Variants in GBE1 observed in about 807,000 individuals in gnomAD.
GBE1 encodes the protein 1,4-alpha-glucan branching enzyme 1, also known as 1,4-alpha-glucan-branching enzyme.
GBE1 carries 70 observed loss-of-function variants against 88.8 expected under a neutral mutation model. That is an observed-to-expected ratio of 0.79 (90% CI 0.65 to 0.96). The LOEUF (loss-of-function observed/expected upper bound fraction) is 0.96. GBE1 is among the 40% of genes least tolerant of loss of function. The pLI, the probability that GBE1 is intolerant of heterozygous loss-of-function variation, is 0.00. For missense variants in GBE1, 872 were observed against 871.0 expected, an observed-to-expected ratio of 1.00 and a Z score of -0.01; for synonymous variants, 284 against 300.1, an observed-to-expected ratio of 0.95 and a Z score of 0.56.
chr3:81,612,569 AC>A (rs1576169740), intron 7 of GBE1: 1 of 733,604 alleles, frequency 1.4e-6, no homozygotes. Context: ...AAATGTTGTT[AC>A]CCCCAAATTT....
intron 7 of GBE1, among the ~76,000 whole-genome samples, chr3:81,602,324 G>A (rs1704044154): frequency 6.6e-6 from 1 of 152,030 alleles, no homozygotes; most frequent in East Asian, 1.9e-4. Context: ...GATTCAACAT[G>A]GTCAACAAAA....
intron 12 of GBE1, among the ~76,000 whole-genome samples, chr3:81,575,966 T>C (rs533579941): frequency 7.2e-5 from 11 of 152,302 alleles, no homozygotes; most frequent in Admixed American, 3.3e-4. Flanking sequence ...CTATTTCTAG[T>C]TTTTTCATGT....
intron 12 of GBE1, among the ~76,000 whole-genome samples, chr3:81,572,102 C>T (rs908102405): frequency 6.6e-6 from 1 of 152,108 alleles, no homozygotes; most frequent in Non-Finnish European, 1.5e-5. Context: ...ACAAGATCTG[C>T]TGGTTTTACA....
intron 12 of GBE1, among the ~76,000 whole-genome samples, chr3:81,563,799 G>T (rs1703452824): frequency 6.7e-6 from 1 of 149,646 alleles, no homozygotes; most frequent in African/African-American, 2.5e-5. Flanking sequence ...AAACTCAATT[G>T]TCTATAACCT....
chr3:81,629,429 A>G (rs1704472908), intron 7 of GBE1, among the ~76,000 whole-genome samples: 1 of 152,016 alleles, frequency 6.6e-6, no homozygotes, highest in Admixed American at 6.6e-5. Context: ...AGTCTATTAC[A>G]TGTTTAATTT....
At chr3:81,509,270 C>CT (rs201981732) in intron 14 of GBE1, among the ~76,000 whole-genome samples, 32 of 138,652 alleles carry the variant, frequency 2.3e-4, no homozygotes, top group African/African-American at 8.2e-4. Flanking sequence ...GGACTAGAGT[C>CT]TTTTTTTAAA....
intron 2 of GBE1, among the ~76,000 whole-genome samples, chr3:81,694,277 G>A (rs574465043): frequency 6.6e-6 from 1 of 152,250 alleles, no homozygotes; most frequent in South Asian, 2.1e-4. Context: ...GAGAAGATAG[G>A]AGGGAGGAAC....
At chr3:81,523,949 A>G (rs1410401391) in intron 14 of GBE1, among the ~76,000 whole-genome samples, 1 of 151,764 alleles carries the variant, frequency 6.6e-6, no homozygotes, top group Non-Finnish European at 1.5e-5. Flanking sequence ...GAACAGTGCT[A>G]CAATAAAAGA....
intron 12 of GBE1, among the ~76,000 whole-genome samples, chr3:81,560,683 G>A (rs1268151766): frequency 6.6e-6 from 1 of 151,970 alleles, no homozygotes; most frequent in African/African-American, 2.4e-5. Context: ...GTGAAGCTCA[G>A]GCACCTATCA....
At chr3:81,530,312 C>G (rs1442257858) in intron 14 of GBE1, among the ~76,000 whole-genome samples, 1 of 151,474 alleles carries the variant, frequency 6.6e-6, no homozygotes, top group African/African-American at 2.4e-5. Context: ...ATCTCTGTCA[C>G]TCCAGGATTG....
rs56681369 is a variant in GBE1 at position 81,547,625 on chromosome 3, TTCTCTCTCTCTCTCTCTCTC to T, written c.1619-10550_1619-10531del. Among the ~76,000 whole-genome samples, 13 of 138,386 alleles carry T rather than the reference TTCTCTCTCTCTCTCTCTCTC, an allele frequency of 9.4e-5. 1 individual carries two copies. Among genetic ancestry groups the T allele is most frequent in the East Asian group, 2.1e-4 (1 of 4,746 alleles). 90.8% of individuals were successfully genotyped at this position (138,386 alleles called of 152,430 possible). A position where few individuals can be genotyped will look rare whatever the true frequency, so the allele number is the denominator to read the frequency against. On this transcript the variant is annotated intron_variant, in intron 12 of 15. Coordinates refer to ENST00000429644, the MANE Select transcript of GBE1 (RefSeq NM_000158.4). Reference sequence around the variant, plus strand: ...CTAGTCAGGCTTCTAGGTTCGTTTGTTCTCTCTCTCTCTCTCTCTCTCTCTCTCTCTCTCTCTCTCTCTTT... The same window carrying T: ...CTAGTCAGGCTTCTAGGTTCGTTTGTTCTCTCTCTCTCTCTCTCTCTCTTT...
chr3:81,579,640 T>C (rs1347700890), intron 11 of GBE1, among the ~76,000 whole-genome samples: 3 of 152,128 alleles, frequency 2.0e-5, no homozygotes, highest in Non-Finnish European at 4.4e-5. Flanking sequence ...TTGTTATGTA[T>C]TTGGTAAGAG....
intron 7 of GBE1, among the ~76,000 whole-genome samples, chr3:81,624,768 G>A (rs2107020145): frequency 6.6e-6 from 1 of 152,174 alleles, no homozygotes; most frequent in East Asian, 1.9e-4. Flanking sequence ...AATACAAGAA[G>A]CATATCTCTA....
At chr3:81,626,547 C>T (rs947815871) in intron 7 of GBE1, among the ~76,000 whole-genome samples, 1 of 152,030 alleles carries the variant, frequency 6.6e-6, no homozygotes, top group African/African-American at 2.4e-5. Flanking sequence ...GGCTTTTACA[C>T]TGAGGACCAG....
intron 12 of GBE1, among the ~76,000 whole-genome samples, chr3:81,563,287 T>C (rs1297808923): frequency 6.6e-6 from 1 of 152,102 alleles, no homozygotes; most frequent in African/African-American, 2.4e-5. Context: ...GCATTACTAA[T>C]ATAGCAAAAT....
At chr3:81,732,200 CA>C (rs1706197777) in intron 1 of GBE1, among the ~76,000 whole-genome samples, 1 of 152,004 alleles carries the variant, frequency 6.6e-6, no homozygotes, top group South Asian at 2.1e-4. Context: ...TAAGCCACGT[CA>C]AAAAATAAAA....
chr3:81,526,957 T>C (rs988947934), intron 14 of GBE1, among the ~76,000 whole-genome samples: 34 of 152,130 alleles, frequency 2.2e-4, no homozygotes, highest in Non-Finnish European at 4.0e-4. Context: ...TCACGCTACC[T>C]GACTTCAAAC....
intron 2 of GBE1, among the ~76,000 whole-genome samples, chr3:81,677,284 T>A (rs536174978): frequency 7.9e-5 from 12 of 152,322 alleles, no homozygotes; most frequent in South Asian, 4.1e-4. Context: ...AGGCAAGATG[T>A]CTGGCAAATG....
intron 2 of GBE1, among the ~76,000 whole-genome samples, chr3:81,695,205 A>G (rs1705573948): frequency 6.6e-6 from 1 of 152,172 alleles, no homozygotes; most frequent in South Asian, 2.1e-4. Context: ...CTTGACACAC[A>G]TTTTCATAAC....
Sources: gnomAD v4.1 joint callset for allele counts (sites outside exome capture counted in the v4.1 genomes callset) on GRCh38, gnomAD v4.1.1 for gene constraint, MANE v1.5 for transcripts, NCBI Gene and HGNC (gene_info 2026-07-23, HGNC 2026-07-21) for gene names.